CD200: variants seen among roughly 807,000 people sequenced by gnomAD.
CD200 encodes the protein CD200 molecule.
In CD200, 15 loss-of-function variants were observed where a neutral mutation model predicts 30.9. The ratio of observed to expected loss-of-function variants is 0.49; its 90% CI spans 0.32 to 0.75. The LOEUF (loss-of-function observed/expected upper bound fraction) is 0.75. CD200 is among the 30% of genes least tolerant of loss of function. CD200 has a pLI of 0.03. For synonymous variants in CD200, 134 were observed against 126.2 expected (o/e 1.06, Z -0.41); for missense variants, 262 against 324.2 (o/e 0.81, Z 1.47).
chr3:112,342,535 G>A (rs2081293026), intron 2 of CD200, among the ~76,000 whole-genome samples: 1 of 151,484 alleles, frequency 6.6e-6, no homozygotes, highest in African/African-American at 2.4e-5. Context: ...CAATTCTCCT[G>A]CCTCAGCCTC....
chr3:112,361,442 ACT>A lies in CD200; in HGVS notation c.803-98_803-97del, dbSNP rs201856511. On this transcript the variant is annotated intron_variant, in intron 5 of 5. Coordinates refer to ENST00000315711, the MANE Select transcript of CD200 (RefSeq NM_005944.7). ...TTGCCAATGAATATACACTAGAATA[ACT>A]CTGTGTTTCTTAATCTCTCTATTAT... 1,400 of 959,222 alleles carry A rather than the reference ACT, an allele frequency of 1.5e-3. 17 individuals carry two copies. The African/African-American group carries it at 0.019, about 13-fold the overall frequency. 59.4% of individuals were successfully genotyped at this position (959,222 alleles called of 1,614,324 possible). A position where few individuals can be genotyped will look rare whatever the true frequency, so the allele number is the denominator to read the frequency against.
At chr3:112,347,970 C>CA in intron 4 of CD200, 140 bp downstream of exon 4, 15 of 757,402 alleles carry the variant, frequency 2.0e-5, no homozygotes, top group East Asian at 1.9e-4. Flanking sequence ...AAAAACAAAA[C>CA]AAAACAAAAA....
intron 5 of CD200, 58 bp from the exon 6 acceptor site, chr3:112,361,485 G>A (rs1015056745): frequency 1.6e-6 from 2 of 1,266,890 alleles, no homozygotes; most frequent in Non-Finnish European, 2.3e-6. Flanking sequence ...TTCTTAAAAT[G>A]TATTATGATA....
chr3:112,349,630 T>A, intron 4 of CD200, 82 bp from the exon 5 acceptor site: 1 of 1,119,574 alleles, frequency 8.9e-7, no homozygotes, highest in East Asian at 2.6e-5. Flanking sequence ...AAGGATAATT[T>A]TAACTAAAAG....
At chr3:112,343,196 G>C (rs1461165030) in intron 2 of CD200, among the ~76,000 whole-genome samples, 13 of 148,266 alleles carry the variant, frequency 8.8e-5, no homozygotes, top group South Asian at 2.1e-4. Flanking sequence ...TACACACACA[G>C]AGAGAGAGAT....
intron 4 of CD200, among the ~76,000 whole-genome samples, chr3:112,348,877 C>CTT (rs35109178): frequency 2.7e-5 from 4 of 150,000 alleles, no homozygotes; most frequent in South Asian, 2.1e-4. Flanking sequence ...AAAAGAATGT[C>CTT]TTTTTTTTTT....
At position 112,361,763 on chromosome 3, in the gene CD200, G is replaced by T. The variant is rs1169129589; in HGVS notation, c.*213G>T. ...AGTCAGTTTACCTCTCAGGTCTGTT[G>T]TAGGACTTGATTTTGTAAAGCAATG... On this transcript the variant is annotated 3_prime_UTR_variant, in exon 6 of 6. Transcript: ENST00000315711. 9 of 614,818 alleles carry T rather than the reference G, an allele frequency of 1.5e-5. No individual in the cohort carries two copies. Among genetic ancestry groups the T allele is most frequent in the Non-Finnish European group, 2.6e-5 (9 of 339,708 alleles). 38.1% of individuals were successfully genotyped at this position (614,818 alleles called of 1,614,324 possible).
chr3:112,342,350 T>C (rs866047113), intron 2 of CD200, among the ~76,000 whole-genome samples: 3,763 of 12,224 alleles, frequency 0.31, 644 homozygotes, highest in African/African-American at 0.34. Context: ...TCTTTCTTTC[T>C]TTCTTTCTTT....
At chr3:112,339,641 C>T (rs928889939) in intron 1 of CD200, among the ~76,000 whole-genome samples, 2 of 152,242 alleles carry the variant, frequency 1.3e-5, no homozygotes, top group African/African-American at 2.4e-5. Context: ...TAGGAAGCAG[C>T]ATGCTTGTCC....
intron 5 of CD200, among the ~76,000 whole-genome samples, chr3:112,353,925 C>T (rs926128596): frequency 5.3e-5 from 8 of 152,194 alleles, no homozygotes; most frequent in South Asian, 2.1e-4. Context: ...ATGAGAAAAG[C>T]GATAAAGAAT....
chr3:112,346,990 A>T (rs2108450736), intron 3 of CD200, among the ~76,000 whole-genome samples: 1 of 152,268 alleles, frequency 6.6e-6, no homozygotes, highest in South Asian at 2.1e-4. Context: ...GGTTTTGTGT[A>T]GCTCTTCCAA....
intron 2 of CD200, among the ~76,000 whole-genome samples, chr3:112,343,670 T>G (rs2081320054): frequency 6.6e-6 from 1 of 152,202 alleles, no homozygotes; most frequent in South Asian, 2.1e-4. Context: ...AATTGAAGGT[T>G]CTCGGTATGA....
chr3:112,342,991 C>CTGTGTG (rs145575317), intron 2 of CD200, among the ~76,000 whole-genome samples: 23 of 151,720 alleles, frequency 1.5e-4, no homozygotes, highest in African/African-American at 5.6e-4. Context: ...GTGTGTGTGT[C>CTGTGTG]TGTGTGTGTG....
chr3:112,350,519 C>T (rs779084081), intron 5 of CD200, among the ~76,000 whole-genome samples: 2 of 152,056 alleles, frequency 1.3e-5, no homozygotes, highest in Non-Finnish European at 2.9e-5. Flanking sequence ...AATTATAAAA[C>T]AAGAGACACT....
chr3:112,338,257 T>C (rs1479571312), intron 1 of CD200, among the ~76,000 whole-genome samples: 1 of 152,160 alleles, frequency 6.6e-6, no homozygotes, highest in Non-Finnish European at 1.5e-5. Context: ...TAATTCCATA[T>C]CTAGGTAGGG....
At chr3:112,359,301 G>A (rs2081692529) in intron 5 of CD200, among the ~76,000 whole-genome samples, 1 of 152,098 alleles carries the variant, frequency 6.6e-6, no homozygotes, top group African/African-American at 2.4e-5. Context: ...ATCTTTAAAG[G>A]AAACCATGCT....
At chr3:112,355,779 T>C (rs1198948030) in intron 5 of CD200, among the ~76,000 whole-genome samples, 1 of 152,148 alleles carries the variant, frequency 6.6e-6, no homozygotes, top group African/African-American at 2.4e-5. Flanking sequence ...AGAGCAGTTC[T>C]TCCACTAACA....
Position 112,362,153 on chromosome 3 carries a change from T to C in CD200, c.*603T>C, listed in dbSNP as rs547609942. 3 of 152,410 alleles carry C rather than the reference T, an allele frequency of 2.0e-5. No homozygotes were observed. The South Asian group carries it at 6.2e-4, about 32-fold the overall frequency. 9.4% of individuals were successfully genotyped at this position (152,410 alleles called of 1,614,324 possible). On this transcript the variant is annotated 3_prime_UTR_variant, in exon 6 of 6. Coordinates refer to ENST00000315711, the MANE Select transcript of CD200 (RefSeq NM_005944.7). ...CAGTTCCTGCTTACTGCTTTGCTAATAGCTGGCCTTGCTAGAATCCTTGGT... is the reference window on the plus strand; with the variant it reads ...CAGTTCCTGCTTACTGCTTTGCTAACAGCTGGCCTTGCTAGAATCCTTGGT...
rs893168557 is a variant in CD200, at chr3:112,362,564, G to A, written c.*1014G>A. ...GCAAATATGAGCATACAATCCCTTTGTTCTAAAGATATTGTTCCAGCTAGT... is the reference window on the plus strand; with the variant it reads ...GCAAATATGAGCATACAATCCCTTTATTCTAAAGATATTGTTCCAGCTAGT... On this transcript the variant is annotated 3_prime_UTR_variant, in exon 6 of 6. Transcript: ENST00000315711. The A allele has an allele frequency of 2.0e-5, 3 of 152,454 alleles. No homozygotes were observed. Among genetic ancestry groups the A allele is most frequent in the Non-Finnish European group, 4.4e-5 (3 of 68,010 alleles). 9.4% of individuals were successfully genotyped at this position (152,454 alleles called of 1,614,324 possible).
Sources: allele counts gnomAD v4.1 joint callset (sites outside exome capture counted in the v4.1 genomes callset), GRCh38; gene constraint gnomAD v4.1.1; transcripts MANE v1.5; gene names NCBI Gene and HGNC (gene_info 2026-07-23, HGNC 2026-07-21).